MSI2: variants seen among roughly 807,000 people sequenced by gnomAD.
MSI2 encodes musashi RNA binding protein 2.
MSI2 carries 17 observed loss-of-function variants against 45.6 expected under a neutral mutation model. The observed-to-expected ratio is 0.37, with a 90% CI of 0.26 to 0.56. The LOEUF (loss-of-function observed/expected upper bound fraction) is 0.56, where lower values mean the gene tolerates loss of function less well. Among genes scored for constraint, MSI2 ranks in the 20% least tolerant of loss-of-function variants. The pLI is 0.77. For missense variants in MSI2, 293 were observed against 444.2 expected, an observed-to-expected ratio of 0.66 and a Z score of 3.06; for synonymous variants, 156 against 158.2, an observed-to-expected ratio of 0.99 and a Z score of 0.11.
chr17:57,422,391 C>T (rs1298779138), intron 6 of MSI2, among the ~76,000 whole-genome samples: 5 of 152,092 alleles, frequency 3.3e-5, no homozygotes, highest in Non-Finnish European at 5.9e-5. Flanking sequence ...ACCCAGGAGA[C>T]GGAGGTTGCA....
At chr17:57,608,823 G>A (rs1013495381) in intron 8 of MSI2, among the ~76,000 whole-genome samples, 1 of 152,222 alleles carries the variant, frequency 6.6e-6, no homozygotes, top group East Asian at 1.9e-4. Flanking sequence ...GTTCCTTGAG[G>A]GTGGGTCTCC....
intron 5 of MSI2, among the ~76,000 whole-genome samples, chr17:57,343,277 C>T (rs1915324893): frequency 6.6e-6 from 1 of 151,890 alleles, no homozygotes; most frequent in Non-Finnish European, 1.5e-5. Flanking sequence ...GTGCAGTCCC[C>T]AGCTTTATCT....
intron 10 of MSI2, among the ~76,000 whole-genome samples, chr17:57,640,716 TC>T (rs1469521195): frequency 6.6e-6 from 1 of 152,190 alleles, no homozygotes; most frequent in Non-Finnish European, 1.5e-5. Context: ...TGTACTATTT[TC>T]TTTAACCTCT....
At chr17:57,264,609 G>C (rs900155284) in intron 5 of MSI2, 3 of 152,246 alleles carry the variant, frequency 2.0e-5, no homozygotes, top group African/African-American at 7.2e-5. Flanking sequence ...TTATATGCCA[G>C]GCACTATTGC....
chr17:57,416,805 C>T (rs1199224993), intron 6 of MSI2, among the ~76,000 whole-genome samples: 1 of 152,164 alleles, frequency 6.6e-6, no homozygotes, highest in East Asian at 1.9e-4. Context: ...TGCTGGTGAT[C>T]ATGGGAACAA....
intron 6 of MSI2, among the ~76,000 whole-genome samples, chr17:57,527,215 G>A (rs1053877141): frequency 1.3e-5 from 2 of 152,068 alleles, no homozygotes; most frequent in Admixed American, 6.6e-5. Flanking sequence ...GGAGATGGGT[G>A]CAAAACAGAT....
intron 12 of MSI2, among the ~76,000 whole-genome samples, chr17:57,676,300 A>C (rs1913231357): frequency 6.6e-6 from 1 of 152,180 alleles, no homozygotes; most frequent in Admixed American, 6.5e-5. Flanking sequence ...ACAGGCGCAC[A>C]CACGCCTGCC....
intron 5 of MSI2, among the ~76,000 whole-genome samples, chr17:57,284,544 A>G (rs910465878): frequency 6.6e-6 from 1 of 152,330 alleles, no homozygotes; most frequent in South Asian, 2.1e-4. Flanking sequence ...TTTTAAGTGA[A>G]TAAGTACGAA....
chr17:57,453,384 A>C (rs1337635139), intron 6 of MSI2, among the ~76,000 whole-genome samples: 2 of 152,134 alleles, frequency 1.3e-5, no homozygotes, highest in Non-Finnish European at 2.9e-5. Context: ...ACAGTGACTG[A>C]GGCTTGCTCT....
chr17:57,552,434 C>T lies in MSI2; in HGVS notation c.454+22710C>T, dbSNP rs556737600. On this transcript the variant is annotated intron_variant, in intron 7 of 13. Coordinates refer to ENST00000284073, the MANE Select transcript of MSI2 (RefSeq NM_138962.4). The surrounding 1 kb of genome is among the most constrained non-coding windows in gnomAD (Gnocchi z 4.3). ...TGCTGCATCCAGCCCCTGGGTCTTC[C>T]ACCTCCTGGCACGCTCTAGCCTAGG... Among the ~76,000 whole-genome samples, 49 of 152,252 alleles carry T rather than the reference C, an allele frequency of 3.2e-4. No homozygotes were observed. Among genetic ancestry groups the T allele is most frequent in the African/African-American group, 1.1e-3 (47 of 41,546 alleles).
At chr17:57,410,849 G>C (rs186470671) in intron 6 of MSI2, among the ~76,000 whole-genome samples, 1 of 152,296 alleles carries the variant, frequency 6.6e-6, no homozygotes, top group East Asian at 1.9e-4. Flanking sequence ...AGTATGGAAT[G>C]ATCAGAGACG....
At chr17:57,616,835 G>A (rs1480383001) in intron 9 of MSI2, among the ~76,000 whole-genome samples, 1 of 151,084 alleles carries the variant, frequency 6.6e-6, no homozygotes, top group Non-Finnish European at 1.5e-5. Flanking sequence ...GGTGTAGGTC[G>A]CAACAATAAT....
At chr17:57,446,363 A>G (rs2084900654) in intron 6 of MSI2, among the ~76,000 whole-genome samples, 1 of 152,180 alleles carries the variant, frequency 6.6e-6, no homozygotes, top group Admixed American at 6.5e-5. Context: ...GCAGGACCAG[A>G]TCATGGGGCT....
chr17:57,608,188 T>A (rs997237792), intron 8 of MSI2: 4 of 152,548 alleles, frequency 2.6e-5, no homozygotes, highest in African/African-American at 9.7e-5. Context: ...AGGGGTGCAA[T>A]TGCTGCCTCA....
intron 5 of MSI2, among the ~76,000 whole-genome samples, chr17:57,391,112 G>A (rs2083782663): frequency 6.6e-6 from 1 of 152,218 alleles, no homozygotes; most frequent in South Asian, 2.1e-4. Context: ...CCAAGGTTGT[G>A]TGTTCCTAAA....
chr17:57,325,563 C>T (rs535628159), intron 5 of MSI2, among the ~76,000 whole-genome samples: 14 of 152,340 alleles, frequency 9.2e-5, no homozygotes, highest in African/African-American at 3.4e-4. Context: ...CCGGTTGCCC[C>T]CTCGGCCCTG....
chr17:57,473,838 G>A (rs1423931845), intron 6 of MSI2, among the ~76,000 whole-genome samples: 2 of 152,220 alleles, frequency 1.3e-5, no homozygotes, highest in Non-Finnish European at 2.9e-5. Flanking sequence ...AGGGGAAGGT[G>A]GCCAGTGGCT....
chr17:57,517,140 A>G (rs2086485134), intron 6 of MSI2, among the ~76,000 whole-genome samples: 1 of 152,228 alleles, frequency 6.6e-6, no homozygotes, highest in African/African-American at 2.4e-5. Context: ...TCGGTAGTTC[A>G]GACCTTCCCT....
chr17:57,397,058 G>T (rs1567800192), intron 5 of MSI2, among the ~76,000 whole-genome samples: 5 of 152,154 alleles, frequency 3.3e-5, no homozygotes. Flanking sequence ...TGAAACAGAT[G>T]GGTAGCTCTC....
Sources: gnomAD v4.1 joint callset for allele counts (sites outside exome capture counted in the v4.1 genomes callset) on GRCh38, gnomAD v4.1.1 for gene constraint, Gnocchi (gnomAD v3.1) non-coding constraint, MANE v1.5 for transcripts, NCBI Gene and HGNC (gene_info 2026-07-23, HGNC 2026-07-21) for gene names.